The following CSTPP1 variants were observed in gnomAD, a reference collection of about 807,000 sequenced individuals.
CSTPP1 encodes the protein centriolar satellite-associated tubulin polyglutamylase complex regulator 1, also known as UPF0705 protein C11orf49.
chr11:47,032,143 A>T, the CSTPP1 span, among the ~76,000 whole-genome samples: 1 of 152,180 alleles, frequency 6.6e-6, no homozygotes, highest in Non-Finnish European at 1.5e-5. Context: ...CAGGATCAAT[A>T]CTTTGTATCC....
At chr11:47,104,286 A>G in the CSTPP1 span, among the ~76,000 whole-genome samples, 1 of 152,164 alleles carries the variant, frequency 6.6e-6, no homozygotes, top group East Asian at 1.9e-4. Context: ...GGGCCCACTC[A>G]TCTCCACCCC....
the CSTPP1 span, among the ~76,000 whole-genome samples, chr11:47,074,095 T>C: frequency 6.6e-6 from 1 of 152,182 alleles, no homozygotes; most frequent in Non-Finnish European, 1.5e-5. Flanking sequence ...TCCCAGCTAC[T>C]TGGGAGGCTC....
the CSTPP1 span, among the ~76,000 whole-genome samples, chr11:47,004,172 G>GT: frequency 8.9e-5 from 13 of 145,314 alleles, no homozygotes; most frequent in African/African-American, 2.8e-4. Context: ...TTTTGTTTTT[G>GT]TTTTTTTGTT....
At chr11:47,134,139 T>C in the CSTPP1 span, among the ~76,000 whole-genome samples, 1 of 152,288 alleles carries the variant, frequency 6.6e-6, no homozygotes, top group Non-Finnish European at 1.5e-5. Context: ...CTGGAAATAA[T>C]GGAGTCTACT....
At chr11:47,010,142 T>C in the CSTPP1 span, among the ~76,000 whole-genome samples, 1 of 152,172 alleles carries the variant, frequency 6.6e-6, no homozygotes, top group East Asian at 1.9e-4. Context: ...AATGTGTAGA[T>C]AATTATCAGA....
the CSTPP1 span, among the ~76,000 whole-genome samples, chr11:47,044,087 A>G: frequency 6.6e-6 from 1 of 151,890 alleles, no homozygotes; most frequent in African/African-American, 2.4e-5. Context: ...CCCAGGTTCA[A>G]CCAATTCTCC....
the CSTPP1 span, among the ~76,000 whole-genome samples, chr11:46,945,412 C>A: frequency 6.6e-6 from 1 of 151,948 alleles, no homozygotes; most frequent in Non-Finnish European, 1.5e-5. Context: ...GTCAGGAGTT[C>A]GAGACCAGCT....
At chr11:47,150,572 G>A in the CSTPP1 span, among the ~76,000 whole-genome samples, 1 of 152,188 alleles carries the variant, frequency 6.6e-6, no homozygotes. Context: ...TAGAAAAGGT[G>A]CTTTCCTCTT....
the CSTPP1 span, among the ~76,000 whole-genome samples, chr11:47,120,765 C>G: frequency 6.6e-6 from 1 of 152,148 alleles, no homozygotes; most frequent in Non-Finnish European, 1.5e-5. This position sits in a 1 kb window ranked among gnomAD's most constrained non-coding sequence, Gnocchi z 4.2. Context: ...CCCTATAGGA[C>G]TGCTGCGAGA....
chr11:46,989,261 AG>A, the CSTPP1 span, among the ~76,000 whole-genome samples: 1 of 152,148 alleles, frequency 6.6e-6, no homozygotes, highest in Non-Finnish European at 1.5e-5. Context: ...TTCTTTATAA[AG>A]TATACTTAGA....
chr11:46,987,433 G>T, the CSTPP1 span: 1 of 860,020 alleles, frequency 1.2e-6, no homozygotes, highest in African/African-American at 1.6e-5. Context: ...GTTTAGTTTT[G>T]GTAGGTTGGT....
At chr11:46,987,219 G>A in the CSTPP1 span, 2 of 1,614,060 alleles carry the variant, frequency 1.2e-6, no homozygotes, top group South Asian at 2.2e-5. Flanking sequence ...TCAGCGACAT[G>A]TCCTCACCTA....
the CSTPP1 span, among the ~76,000 whole-genome samples, chr11:46,960,668 T>C: frequency 1.3e-5 from 2 of 152,052 alleles, no homozygotes; most frequent in Non-Finnish European, 2.9e-5. Context: ...CTGGCCAACA[T>C]GGTGAAACCC....
chr11:47,131,129 T>A, the CSTPP1 span, among the ~76,000 whole-genome samples: 1 of 152,174 alleles, frequency 6.6e-6, no homozygotes, highest in African/African-American at 2.4e-5. Context: ...GAGCTAAAAG[T>A]CTTTGACTTC....
chr11:46,952,039 T>G, the CSTPP1 span, among the ~76,000 whole-genome samples: 1 of 152,170 alleles, frequency 6.6e-6, no homozygotes, highest in African/African-American at 2.4e-5. Context: ...GGGTGAGGGC[T>G]GAGCTGGTGT....
chr11:47,157,183 G>A, the CSTPP1 span: 1 of 1,605,266 alleles, frequency 6.2e-7, no homozygotes, highest in Middle Eastern at 1.7e-4. Context: ...TGTTCTACCA[G>A]TGTCTGGAAA....
chr11:46,987,164 A>G, the CSTPP1 span: 1 of 1,585,186 alleles, frequency 6.3e-7, no homozygotes, highest in Non-Finnish European at 8.7e-7. Context: ...TCTTTTTAAA[A>G]TCTTTCTCTC....
At chr11:46,987,046 G>A in the CSTPP1 span, among the ~76,000 whole-genome samples, 1 of 152,194 alleles carries the variant, frequency 6.6e-6, no homozygotes, top group Non-Finnish European at 1.5e-5. Context: ...AGCTCAGTTA[G>A]GGTCAGCAAG....
chr11:46,968,755 C>T, the CSTPP1 span, among the ~76,000 whole-genome samples: 7 of 151,674 alleles, frequency 4.6e-5, no homozygotes, highest in South Asian at 2.1e-4. Context: ...AAAAATTAGC[C>T]GGGTGTGATG....
Sources: gnomAD v4.1 joint callset for allele counts (sites outside exome capture counted in the v4.1 genomes callset) on GRCh38, gnomAD v4.1.1 for gene constraint, Gnocchi (gnomAD v3.1) non-coding constraint, MANE v1.5 for transcripts, NCBI Gene and HGNC (gene_info 2026-07-23, HGNC 2026-07-21) for gene names.